Variants in STMN2 observed in about 807,000 individuals in gnomAD.
STMN2 encodes stathmin-2.
In STMN2, 2 loss-of-function variants were observed where a neutral mutation model predicts 24.1. The observed-to-expected ratio is 0.08, with a 90% CI of 0.03 to 0.26. STMN2 has a LOEUF of 0.26. Ranked by LOEUF, STMN2 falls within the 10% of genes least tolerant of loss-of-function variation. STMN2 has a pLI of 1.00. For synonymous variants in STMN2, 83 were observed against 77.5 expected, an observed-to-expected ratio of 1.07 and a Z score of -0.37; for missense variants, 114 against 213.6, an observed-to-expected ratio of 0.53 and a Z score of 2.91.
chr8:79,654,935 A>G lies in STMN2; in HGVS notation c.353A>G (p.Gln118Arg). The change falls in exon 4 of 5, where the codon CAG becomes CGG. Residue 118 changes from glutamine (Q) to arginine (R), a missense_variant. Transcript: ENST00000220876. ...EKREHEREVL[Q>R]KALEENNNFS... is the part of the protein sequence containing the mutation. ...AGGGAACACGAGCGAGAAGTCCTTC[A>G]GAAGGCTTTGGAGGAGAACAACAAC... 1 of 1,614,002 alleles carries G rather than the reference A, an allele frequency of 6.2e-7. No homozygotes were observed. Among genetic ancestry groups the G allele is most frequent in the Non-Finnish European group, 8.5e-7 (1 of 1,179,914 alleles).
intron 1 of STMN2, among the ~76,000 whole-genome samples, chr8:79,630,405 C>T (rs1809771668): frequency 6.6e-6 from 1 of 152,154 alleles, no homozygotes; most frequent in Non-Finnish European, 1.5e-5. Context: ...AATTCAAAAA[C>T]ACATGTGAGA....
intron 4 of STMN2, among the ~76,000 whole-genome samples, chr8:79,656,236 G>C (rs1305148161): frequency 2.0e-5 from 3 of 152,212 alleles, no homozygotes; most frequent in Non-Finnish European, 4.4e-5. Context: ...GGGGAAGGGT[G>C]TGTGGGCTCT....
rs1438008025 is a variant in STMN2 at position 79,618,384 on chromosome 8, A to C, written c.19+7170A>C. Among the ~76,000 whole-genome samples the C allele has an allele frequency of 2.0e-5, 3 of 152,224 alleles. No homozygotes were observed. In the East Asian group the frequency reaches 5.8e-4, roughly 29 times the overall value. On this transcript the variant is annotated intron_variant, in intron 1 of 4. Transcript: ENST00000220876. The stretch of plus-strand genomic sequence containing the variant: ...ACTCTGATGACCAGTTCCAGAAATA[A>C]CATTGACTTAATCTCCTCAGTCCCA...
chr8:79,653,919 G>C (rs1810391310), intron 3 of STMN2, among the ~76,000 whole-genome samples: 2 of 152,152 alleles, frequency 1.3e-5, no homozygotes, highest in South Asian at 4.1e-4. Context: ...ATGGAAAGAA[G>C]TTACGTAACA....
At chr8:79,628,377 C>A (rs986252495) in intron 1 of STMN2, among the ~76,000 whole-genome samples, 3 of 151,998 alleles carry the variant, frequency 2.0e-5, no homozygotes, top group African/African-American at 7.3e-5. Context: ...TCTCGAACTC[C>A]TGTCTTCAAG....
At chr8:79,611,696 G>C in intron 1 of STMN2, 1 of 901,132 alleles carries the variant, frequency 1.1e-6, no homozygotes, top group South Asian at 4.9e-5. Context: ...TTTGAAAGAT[G>C]GGTGGAGACG....
At chr8:79,654,800 A>G (rs2130385573) in intron 3 of STMN2, 71 bp from the exon 4 acceptor site, 1 of 1,514,470 alleles carries the variant, frequency 6.6e-7, no homozygotes, top group Middle Eastern at 2.1e-4. Flanking sequence ...TGCTCCCTCC[A>G]ATTGGTGGGC....
At chr8:79,636,196 A>G (rs1563439846) in intron 1 of STMN2, among the ~76,000 whole-genome samples, 1 of 152,148 alleles carries the variant, frequency 6.6e-6, no homozygotes, top group Non-Finnish European at 1.5e-5. Context: ...CAGCCTGGGT[A>G]ACAGAGCAAC....
intron 4 of STMN2, among the ~76,000 whole-genome samples, chr8:79,661,173 G>A (rs1806493475): frequency 6.6e-6 from 1 of 151,998 alleles, no homozygotes; most frequent in African/African-American, 2.4e-5. Context: ...CCCAGCAGTG[G>A]GATTGCTGGA....
At chr8:79,656,884 G>GTTGTTTTTTTTTT (rs1806384420) in intron 4 of STMN2, among the ~76,000 whole-genome samples, 1 of 150,206 alleles carries the variant, frequency 6.7e-6, no homozygotes, top group Non-Finnish European at 1.5e-5. Flanking sequence ...TTGTTTGTTT[G>GTTGTTTTTTTTTT]TTTTTTTGAG....
At position 79,663,623 on chromosome 8, in the gene STMN2, C is replaced by G. The variant is rs1446745622; in HGVS notation, c.481-1192C>G. On this transcript the variant is annotated intron_variant, in intron 4 of 4. Transcript: ENST00000220876. Reference sequence around the variant, plus strand: ...TCTGAACTAAAAGAATCTATAGAGTCTCAATTTCTGGAGCTTCAGAGGGAA... The same window carrying G: ...TCTGAACTAAAAGAATCTATAGAGTGTCAATTTCTGGAGCTTCAGAGGGAA... 4 of 1,531,100 alleles carry G rather than the reference C, an allele frequency of 2.6e-6. No homozygotes were observed. In the African/African-American group the frequency reaches 5.5e-5, roughly 21 times the overall value. The allele number at this position is 1,531,100 out of a possible 1,614,324, so 94.8% of individuals were successfully genotyped here.
intron 3 of STMN2, among the ~76,000 whole-genome samples, chr8:79,644,362 A>T (rs896019801): frequency 2.0e-5 from 3 of 152,232 alleles, no homozygotes; most frequent in African/African-American, 4.8e-5. Context: ...TTCAATAGTC[A>T]GTTCCAAATT....
At chr8:79,615,855 T>G (rs1443503545) in intron 1 of STMN2, among the ~76,000 whole-genome samples, 1 of 152,228 alleles carries the variant, frequency 6.6e-6, no homozygotes, top group Non-Finnish European at 1.5e-5. Flanking sequence ...ATGGTTTTAC[T>G]TCTCAGTTTT....
intron 4 of STMN2, among the ~76,000 whole-genome samples, chr8:79,659,468 C>G (rs1806452331): frequency 6.6e-6 from 1 of 152,096 alleles, no homozygotes; most frequent in African/African-American, 2.4e-5. Context: ...TTCTTCCTCC[C>G]CTGATGTGTC....
chr8:79,649,609 T>A (rs1810290854), intron 3 of STMN2, among the ~76,000 whole-genome samples: 1 of 152,194 alleles, frequency 6.6e-6, no homozygotes, highest in African/African-American at 2.4e-5. Flanking sequence ...AAAGCATTTT[T>A]TGGTACTAGG....
At chr8:79,664,741 A>C in intron 4 of STMN2, 74 bp from the exon 5 acceptor site, 1 of 1,463,586 alleles carries the variant, frequency 6.8e-7, no homozygotes, top group African/African-American at 1.4e-5. Flanking sequence ...GGTTACTTCT[A>C]GTCAAGCGCA....
chr8:79,658,282 G>A (rs1806419989), intron 4 of STMN2, among the ~76,000 whole-genome samples: 2 of 151,920 alleles, frequency 1.3e-5, no homozygotes, highest in Middle Eastern at 3.4e-3. Flanking sequence ...CTCCAACCTG[G>A]GAAACAGAAC....
intron 1 of STMN2, among the ~76,000 whole-genome samples, chr8:79,630,084 T>C (rs1809763660): frequency 6.6e-6 from 1 of 152,172 alleles, no homozygotes; most frequent in African/African-American, 2.4e-5. Context: ...TCTGACTCTG[T>C]GTCTTCCCAG....
At position 79,640,227 on chromosome 8, in the gene STMN2, C is replaced by T. The variant is rs570271408; in HGVS notation, c.116-1151C>T. On this transcript the variant is annotated intron_variant, in intron 2 of 4. Transcript: ENST00000220876. ...AATAAGTCTCTTGCATTTGTTCTTC[C>T]TGTTTAACTGAAATTATGTATTCTT... Among the ~76,000 whole-genome samples, 13 of 152,214 alleles carry T rather than the reference C, an allele frequency of 8.5e-5. No individual in the cohort carries two copies. The East Asian group carries it at 2.3e-3, about 27-fold the overall frequency.
Sources: gnomAD v4.1 joint callset for allele counts (sites outside exome capture counted in the v4.1 genomes callset) on GRCh38, gnomAD v4.1.1 for gene constraint, MANE v1.5 for transcripts, NCBI Gene and HGNC (gene_info 2026-07-23, HGNC 2026-07-21) for gene names.